FAM13B: variants seen among roughly 807,000 people sequenced by gnomAD.
FAM13B encodes family with sequence similarity 13 member B.
In FAM13B, 60 loss-of-function variants were observed where a neutral mutation model predicts 117.3. The ratio of observed to expected loss-of-function variants is 0.51; its 90% CI spans 0.42 to 0.63. The LOEUF (loss-of-function observed/expected upper bound fraction) is 0.63, where lower values mean the gene tolerates loss of function less well. Among genes scored for constraint, FAM13B ranks in the 30% least tolerant of loss-of-function variants. FAM13B has a pLI of 0.00. For synonymous variants in FAM13B, 332 were observed against 356.1 expected, an observed-to-expected ratio of 0.93 and a Z score of 0.76; for missense variants, 972 against 1,091.9, an observed-to-expected ratio of 0.89 and a Z score of 1.55.
At chr5:137,941,199 C>T (rs769987932) in intron 23 of FAM13B, among the ~76,000 whole-genome samples, 3 of 152,132 alleles carry the variant, frequency 2.0e-5, no homozygotes, top group Non-Finnish European at 2.9e-5. Flanking sequence ...TGAGCCACTG[C>T]GCCTGGCCCA....
At chr5:137,949,239 G>A (rs1581059988) in intron 17 of FAM13B, 55 bp from the exon 18 acceptor site, 2 of 1,386,144 alleles carry the variant, frequency 1.4e-6, no homozygotes, top group South Asian at 1.2e-5. Flanking sequence ...CTTTGACCGG[G>A]TCAAAGAATA....
chr5:137,986,477 C>G (rs924546953), intron 9 of FAM13B, among the ~76,000 whole-genome samples: 1 of 150,426 alleles, frequency 6.6e-6, no homozygotes, highest in Admixed American at 6.6e-5. Context: ...CACTGCACCA[C>G]GGTCTCTGAG....
chr5:137,946,870 G>A (rs1288494930), intron 18 of FAM13B, among the ~76,000 whole-genome samples: 2 of 152,200 alleles, frequency 1.3e-5, no homozygotes, highest in African/African-American at 4.8e-5. Context: ...AAGCAGTATA[G>A]TGGAAAGATC....
chr5:138,024,461 C>T (rs1282383586), intron 1 of FAM13B, among the ~76,000 whole-genome samples: 1 of 151,896 alleles, frequency 6.6e-6, no homozygotes, highest in Non-Finnish European at 1.5e-5. Context: ...TTTTGGGCTT[C>T]TACCCTCCTC....
intron 2 of FAM13B, 93 bp from the exon 3 acceptor site, chr5:138,019,239 GTGTTCTCATCTATTTAAA>G: frequency 9.2e-7 from 1 of 1,084,434 alleles, no homozygotes. Context: ...ACACCTGAAT[GTGTTCTCATCTATTTAAA>G]TGTTCCAGTT....
intron 10 of FAM13B, among the ~76,000 whole-genome samples, chr5:137,975,761 C>G (rs1326477596): frequency 6.6e-6 from 1 of 152,010 alleles, no homozygotes; most frequent in East Asian, 1.9e-4. Flanking sequence ...ACTGAATCAC[C>G]TTTCTTCCAT....
At chr5:137,974,670 A>T (rs1462358011) in intron 10 of FAM13B, among the ~76,000 whole-genome samples, 1 of 151,872 alleles carries the variant, frequency 6.6e-6, no homozygotes, top group Non-Finnish European at 1.5e-5. Context: ...CTCCAAAAAA[A>T]AAAAAAAAGC....
chr5:137,994,622 T>C (rs537298048), intron 7 of FAM13B, among the ~76,000 whole-genome samples: 56 of 152,358 alleles, frequency 3.7e-4, no homozygotes, highest in African/African-American at 1.3e-3. Context: ...TATAGGCAGA[T>C]GCCATAAAGA....
intron 1 of FAM13B, among the ~76,000 whole-genome samples, chr5:138,025,632 G>A (rs1446770967): frequency 6.6e-6 from 1 of 151,984 alleles, no homozygotes; most frequent in African/African-American, 2.4e-5. Flanking sequence ...CACATACATA[G>A]TAGCAGCACA....
chr5:137,965,547 G>A lies in FAM13B; in HGVS notation c.1180-3078C>T, dbSNP rs577578852. 7.9e-5 allele frequency among the ~76,000 whole-genome samples: 12 copies of A among 152,182 alleles called. No individual in the cohort carries two copies. The East Asian group carries it at 2.3e-3, about 29-fold the overall frequency. ...CTTCCCATTTCTCTCATTTACCTTTGGCTCAAGCATGCTAGTTACTTCTAT... is the reference window on the plus strand; with the variant it reads ...CTTCCCATTTCTCTCATTTACCTTTAGCTCAAGCATGCTAGTTACTTCTAT... On this transcript the variant is annotated intron_variant, in intron 10 of 23. Coordinates refer to ENST00000689681, the MANE Select transcript of FAM13B (RefSeq NM_001385994.1).
At chr5:137,954,512 A>ACG (rs1765911513) in intron 14 of FAM13B, 136 bp from the exon 15 acceptor site, 1 of 481,650 alleles carries the variant, frequency 2.1e-6, no homozygotes, top group East Asian at 3.2e-5. Flanking sequence ...ACATACACAC[A>ACG]CACACACACA....
chr5:138,002,204 T>A (rs947235037), intron 7 of FAM13B, among the ~76,000 whole-genome samples: 3 of 152,144 alleles, frequency 2.0e-5, no homozygotes, highest in Non-Finnish European at 4.4e-5. Flanking sequence ...AATAAAAAGC[T>A]TAAGTGGATT....
In FAM13B at chr5:137,949,140, G is replaced by A. The variant is rs772160288; in HGVS notation, c.1975C>T (p.Arg659Cys). The change falls in exon 18 of 24, where the codon CGT becomes TGT. Residue 659 changes from arginine (R) to cysteine (C), a missense_variant. Transcript: ENST00000689681. ...TTTGGAAGTGTGTTACTACGTGGACGTGTCTGAGGTACAAATTCTCCATCA... is the reference window on the plus strand; with the variant it reads ...TTTGGAAGTGTGTTACTACGTGGACATGTCTGAGGTACAAATTCTCCATCA... Reference protein sequence around the residue: ...NSDGEFVPQTRPRSNTLPKSF... With the variant: ...NSDGEFVPQTCPRSNTLPKSF... 27 of 1,614,086 alleles carry A rather than the reference G, an allele frequency of 1.7e-5. No individual in the cohort carries two copies. Among genetic ancestry groups the A allele is most frequent in the Admixed American group, 1.0e-4 (6 of 60,012 alleles).
chr5:137,998,362 A>G (rs1208719177), intron 7 of FAM13B, among the ~76,000 whole-genome samples: 1 of 152,210 alleles, frequency 6.6e-6, no homozygotes, highest in Non-Finnish European at 1.5e-5. Context: ...GAAGCAGAAA[A>G]CAATGATTAA....
chr5:137,997,381 A>T (rs1780129312), intron 7 of FAM13B, among the ~76,000 whole-genome samples: 1 of 152,136 alleles, frequency 6.6e-6, no homozygotes, highest in South Asian at 2.1e-4. Flanking sequence ...AGGCAGGAGA[A>T]TCACTTGAAC....
At chr5:138,043,859 G>A (rs1791569628) in intron 1 of FAM13B, among the ~76,000 whole-genome samples, 1 of 150,384 alleles carries the variant, frequency 6.6e-6, no homozygotes, top group Non-Finnish European at 1.5e-5. Flanking sequence ...TACCAGGTAT[G>A]AGCCACCATA....
intron 6 of FAM13B, 106 bp downstream of exon 6, chr5:138,010,902 G>T: frequency 2.6e-6 from 3 of 1,154,536 alleles, no homozygotes; most frequent in Non-Finnish European, 3.4e-6. Flanking sequence ...TTACTTCCAG[G>T]TCAGATTTAA....
At chr5:138,044,435 C>T (rs1281583633) in intron 1 of FAM13B, among the ~76,000 whole-genome samples, 1 of 151,856 alleles carries the variant, frequency 6.6e-6, no homozygotes, top group Non-Finnish European at 1.5e-5. Flanking sequence ...GCCTGTAATT[C>T]CAGCTACTCA....
chr5:137,989,042 G>A (rs2150613389), intron 7 of FAM13B, among the ~76,000 whole-genome samples: 1 of 152,332 alleles, frequency 6.6e-6, no homozygotes, highest in African/African-American at 2.4e-5. Flanking sequence ...TCATTTATCA[G>A]ATAAAAGATA....
Sources: allele counts gnomAD v4.1 joint callset (sites outside exome capture counted in the v4.1 genomes callset), GRCh38; gene constraint gnomAD v4.1.1; transcripts MANE v1.5; gene names NCBI Gene and HGNC (gene_info 2026-07-23, HGNC 2026-07-21).